Variants in MGAT5 observed in about 807,000 individuals in gnomAD.
MGAT5 encodes the protein alpha-1,6-mannosylglycoprotein 6-beta-N-acetylglucosaminyltransferase.
A neutral mutation model predicts 94.3 loss-of-function variants in MGAT5; 30 were observed. The observed-to-expected ratio is 0.32, with a 90% confidence interval of 0.24 to 0.43. MGAT5 has a LOEUF of 0.43. Ranked by LOEUF, MGAT5 falls within the 20% of genes least tolerant of loss-of-function variation. The pLI, the probability that MGAT5 is intolerant of heterozygous loss-of-function variation, is 1.00. For synonymous variants in MGAT5, 310 were observed against 322.9 expected (o/e 0.96, Z 0.43); for missense variants, 691 against 905.5 (o/e 0.76, Z 3.04).
chr2:134,387,326 A>T (rs1334994475), intron 10 of MGAT5, among the ~76,000 whole-genome samples: 243 of 36,716 alleles, frequency 6.6e-3, no homozygotes, highest in African/African-American at 0.016. Context: ...ATATATATAT[A>T]TATATATTTT....
At chr2:134,189,606 T>TGTTTTG (rs1399203387) in intron 1 of MGAT5, among the ~76,000 whole-genome samples, 14 of 108,584 alleles carry the variant, frequency 1.3e-4, no homozygotes, top group Non-Finnish European at 1.7e-4. Context: ...TTTTTTGTTT[T>TGTTTTG]TTTTTTTTTT....
intron 1 of MGAT5, among the ~76,000 whole-genome samples, chr2:134,200,313 T>C (rs903665409): frequency 6.6e-6 from 1 of 152,200 alleles, no homozygotes; most frequent in African/African-American, 2.4e-5. Context: ...CTAGCCTGAA[T>C]ACTTCAGACA....
At chr2:134,190,048 G>GT (rs1427987798) in intron 1 of MGAT5, among the ~76,000 whole-genome samples, 3 of 152,202 alleles carry the variant, frequency 2.0e-5, no homozygotes, top group Admixed American at 6.5e-5. Flanking sequence ...AAACTTTTCT[G>GT]TGACATTCTT....
intron 10 of MGAT5, among the ~76,000 whole-genome samples, chr2:134,384,216 A>AG (rs1681820468): frequency 2.0e-5 from 2 of 101,186 alleles, no homozygotes; most frequent in Admixed American, 1.9e-4. Flanking sequence ...CGGCCCTTGA[A>AG]AAAAAAAAAA....
At chr2:134,239,089 C>T (rs757619707) in intron 1 of MGAT5, among the ~76,000 whole-genome samples, 1 of 152,194 alleles carries the variant, frequency 6.6e-6, no homozygotes, top group Admixed American at 6.5e-5. Context: ...ACGTCTGACT[C>T]TCAGCTTCAA....
chr2:134,144,121 A>G (rs1378469236), intron 1 of MGAT5, among the ~76,000 whole-genome samples: 1 of 152,186 alleles, frequency 6.6e-6, no homozygotes, highest in African/African-American at 2.4e-5. Context: ...CCAAGCAACC[A>G]CTGTGTGGCA....
At chr2:134,193,259 ACT>A (rs1380964927) in intron 1 of MGAT5, among the ~76,000 whole-genome samples, 1 of 151,972 alleles carries the variant, frequency 6.6e-6, no homozygotes, top group Non-Finnish European at 1.5e-5. Flanking sequence ...AGCAGCTGGG[ACT>A]ACAGGGACAT....
chr2:134,270,329 C>A (rs1683952943), intron 1 of MGAT5, 57 bp from the exon 2 acceptor site: 2 of 1,516,780 alleles, frequency 1.3e-6, no homozygotes, highest in African/African-American at 1.4e-5. Flanking sequence ...AGAGAGCAAG[C>A]CAGACAGATA....
chr2:134,248,405 CG>C (rs1486958396), intron 1 of MGAT5, among the ~76,000 whole-genome samples: 1 of 152,164 alleles, frequency 6.6e-6, no homozygotes, highest in African/African-American at 2.4e-5. Flanking sequence ...CTATGAGTTA[CG>C]AGTACTCTAT....
intron 2 of MGAT5, among the ~76,000 whole-genome samples, chr2:134,272,656 T>C (rs1558749989): frequency 6.6e-6 from 1 of 152,216 alleles, no homozygotes; most frequent in Non-Finnish European, 1.5e-5. Context: ...GACCCTCCAA[T>C]GTACATGATT....
At chr2:134,247,045 G>A (rs887057324) in intron 1 of MGAT5, among the ~76,000 whole-genome samples, 2 of 152,222 alleles carry the variant, frequency 1.3e-5, no homozygotes, top group Non-Finnish European at 2.9e-5. Context: ...TTTCTGCACT[G>A]TGTTTTGGTT....
intron 4 of MGAT5, among the ~76,000 whole-genome samples, chr2:134,326,531 C>G (rs981557002): frequency 6.6e-6 from 1 of 152,014 alleles, no homozygotes; most frequent in Non-Finnish European, 1.5e-5. Flanking sequence ...CTTGCTCCCC[C>G]GGCCTGCATA....
chr2:134,364,780 T>C (rs971370061), intron 10 of MGAT5, among the ~76,000 whole-genome samples: 12 of 152,328 alleles, frequency 7.9e-5, no homozygotes, highest in African/African-American at 2.6e-4. Context: ...AAAAATCCTA[T>C]AAAGTTTTCA....
At chr2:134,121,139 C>T (rs1300808156) in intron 1 of MGAT5, among the ~76,000 whole-genome samples, 1 of 152,186 alleles carries the variant, frequency 6.6e-6, no homozygotes, top group Admixed American at 6.5e-5. Context: ...GTGGCTCTTT[C>T]GCGCCCCTGG....
rs1679934514 is a variant in MGAT5, at chr2:134,359,221, T to C, written c.1247-3054T>C. On this transcript the variant is annotated intron_variant, in intron 9 of 15. Transcript: ENST00000281923. Reference sequence around the variant, plus strand: ...TCTAGATCACTCTTGTGTATTTTGCTCTACCTTAGAACATTATTTTCCTCT... The same window carrying C: ...TCTAGATCACTCTTGTGTATTTTGCCCTACCTTAGAACATTATTTTCCTCT... Among the ~76,000 whole-genome samples, 2 of 152,240 alleles carry C rather than the reference T, an allele frequency of 1.3e-5. 1 individual carries two copies. Among genetic ancestry groups the C allele is most frequent in the South Asian group, 4.1e-4 (2 of 4,834 alleles).
chr2:134,334,841 T>G (rs1318820653), intron 4 of MGAT5, among the ~76,000 whole-genome samples: 1 of 152,158 alleles, frequency 6.6e-6, no homozygotes, highest in Non-Finnish European at 1.5e-5. Flanking sequence ...CAAGGCAAGT[T>G]GGTCTTTTCT....
intron 1 of MGAT5, among the ~76,000 whole-genome samples, chr2:134,201,987 G>T (rs2105285862): frequency 6.6e-6 from 1 of 151,996 alleles, no homozygotes; most frequent in African/African-American, 2.4e-5. Flanking sequence ...TAATTGGCTG[G>T]TTGATACTAA....
chr2:134,223,852 T>A (rs796641706), intron 1 of MGAT5, among the ~76,000 whole-genome samples: 6 of 152,314 alleles, frequency 3.9e-5, no homozygotes, highest in African/African-American at 1.2e-4. Context: ...AATAGGCTAT[T>A]TTAGTTTCAG....
chr2:134,331,232 C>A (rs2105954217), intron 4 of MGAT5, among the ~76,000 whole-genome samples: 2 of 152,232 alleles, frequency 1.3e-5, no homozygotes, highest in Middle Eastern at 6.8e-3. Flanking sequence ...GTCAAAAAAA[C>A]AAATTGTTGT....
Sources: allele counts gnomAD v4.1 joint callset (sites outside exome capture counted in the v4.1 genomes callset), GRCh38; gene constraint gnomAD v4.1.1; transcripts MANE v1.5; gene names NCBI Gene and HGNC (gene_info 2026-07-23, HGNC 2026-07-21).